The following CCDC175 variants were observed in gnomAD, a reference collection of about 807,000 sequenced individuals.
CCDC175 encodes coiled-coil domain containing 175.
A neutral mutation model predicts 114.6 loss-of-function variants in CCDC175; 100 were observed. The ratio of observed to expected loss-of-function variants is 0.87; its 90% confidence interval spans 0.74 to 1.03. The LOEUF is 1.03. CCDC175 is among the 50% of genes least tolerant of loss of function. The pLI is 0.00. For synonymous variants in CCDC175, 306 were observed against 308.7 expected, an observed-to-expected ratio of 0.99 and a Z score of 0.09; for missense variants, 880 against 917.8, an observed-to-expected ratio of 0.96 and a Z score of 0.53.
At chr14:59,541,341 A>T (rs1486017550) in intron 10 of CCDC175, among the ~76,000 whole-genome samples, 1 of 152,202 alleles carries the variant, frequency 6.6e-6, no homozygotes, top group African/African-American at 2.4e-5. Flanking sequence ...TTGTGGTAGG[A>T]TGGATGGAAA....
chr14:59,507,203 C>T (rs1026473316), intron 19 of CCDC175, among the ~76,000 whole-genome samples: 1 of 152,188 alleles, frequency 6.6e-6, no homozygotes, highest in East Asian at 1.9e-4. Context: ...TCCACTCAGC[C>T]TTGCTACTTG....
intron 4 of CCDC175, among the ~76,000 whole-genome samples, chr14:59,566,261 G>A (rs1896536388): frequency 6.6e-6 from 1 of 152,178 alleles, no homozygotes; most frequent in South Asian, 2.1e-4. Context: ...TTAAGATTTT[G>A]TCTACCCAGA....
intron 15 of CCDC175, among the ~76,000 whole-genome samples, chr14:59,526,590 C>A (rs1162914062): frequency 6.6e-6 from 1 of 151,862 alleles, no homozygotes; most frequent in African/African-American, 2.4e-5. Context: ...GATATCAATG[C>A]ATCTCAGAGA....
In CCDC175 at chr14:59,526,785, C is replaced by T. The variant is rs113032592; in HGVS notation, c.1842+310G>A. On this transcript the variant is annotated intron_variant, in intron 15 of 19. Transcript: ENST00000537690. ...GTTTCTAACTTATAAATAAGAAAAC[C>T]GAGGTCCACTCAATGACTGTTCCAC... Among the ~76,000 whole-genome samples the T allele has an allele frequency of 2.2e-3, 342 of 152,204 alleles. 1 individual carries two copies. Among genetic ancestry groups the T allele is most frequent in the African/African-American group, 7.4e-3 (308 of 41,528 alleles).
chr14:59,532,563 T>C (rs1894129087), intron 13 of CCDC175, among the ~76,000 whole-genome samples: 3 of 152,226 alleles, frequency 2.0e-5, no homozygotes, highest in Admixed American at 2.0e-4. Context: ...ACATGGCTTC[T>C]GGCTAGAGTG....
intron 17 of CCDC175, among the ~76,000 whole-genome samples, chr14:59,513,746 C>A (rs965792027): frequency 2.0e-5 from 3 of 152,180 alleles, no homozygotes. Context: ...GGGGGCAGGG[C>A]ATTGCCAAAC....
chr14:59,539,069 G>T (rs1894596736), intron 11 of CCDC175, among the ~76,000 whole-genome samples: 1 of 152,154 alleles, frequency 6.6e-6, no homozygotes, highest in East Asian at 1.9e-4. Context: ...ACTTCCAATA[G>T]AACAGCGAAC....
At chr14:59,569,760 A>T (rs1429748756) in intron 3 of CCDC175, among the ~76,000 whole-genome samples, 1 of 152,184 alleles carries the variant, frequency 6.6e-6, no homozygotes, top group African/African-American at 2.4e-5. Flanking sequence ...CAATTAGGAG[A>T]TAGAAATCTC....
chr14:59,513,581 T>G (rs1338569040), intron 17 of CCDC175, among the ~76,000 whole-genome samples: 1 of 152,104 alleles, frequency 6.6e-6, no homozygotes, highest in East Asian at 1.9e-4. Context: ...AGCACAGCAG[T>G]CTGAGATCAA....
chr14:59,544,270 G>A (rs937387731), intron 9 of CCDC175, among the ~76,000 whole-genome samples: 7 of 152,072 alleles, frequency 4.6e-5, no homozygotes, highest in South Asian at 4.1e-4. Context: ...GGGTTGAAGC[G>A]ATTCTCCTGC....
intron 17 of CCDC175, among the ~76,000 whole-genome samples, chr14:59,514,880 T>G (rs982740768): frequency 1.1e-4 from 16 of 152,074 alleles, no homozygotes; most frequent in Non-Finnish European, 1.6e-4. Context: ...TCACCAAAGT[T>G]GAAATGAAGG....
intron 8 of CCDC175, among the ~76,000 whole-genome samples, chr14:59,547,456 A>C (rs754177920): frequency 1.3e-5 from 2 of 152,232 alleles, no homozygotes; most frequent in African/African-American, 2.4e-5. Flanking sequence ...ATAAAAACTC[A>C]TTTTAAAGGT....
intron 18 of CCDC175, 28 bp from the exon 19 acceptor site, chr14:59,510,836 C>T (rs1892696381): frequency 6.6e-7 from 1 of 1,521,548 alleles, no homozygotes; most frequent in Non-Finnish European, 8.8e-7. Flanking sequence ...TAGGCTGTGT[C>T]AATATAAATT....
chr14:59,521,165 C>A (rs1208821918), intron 17 of CCDC175, among the ~76,000 whole-genome samples: 1 of 152,186 alleles, frequency 6.6e-6, no homozygotes, highest in Non-Finnish European at 1.5e-5. Flanking sequence ...CACTCTCAAT[C>A]TGGGTGGGAA....
At chr14:59,513,911 C>T (rs1219580547) in intron 17 of CCDC175, among the ~76,000 whole-genome samples, 2 of 152,176 alleles carry the variant, frequency 1.3e-5, no homozygotes, top group Admixed American at 1.3e-4. Context: ...CTGGGAGGCA[C>T]CTCCTAGTAG....
intron 1 of CCDC175, among the ~76,000 whole-genome samples, chr14:59,575,600 T>C (rs11628599): frequency 0.92 from 138,770 of 151,276 alleles, 63,741 homozygotes; most frequent in East Asian, 1. Flanking sequence ...ACCTCTGCCT[T>C]CTGAGTTCAA....
intron 7 of CCDC175, among the ~76,000 whole-genome samples, chr14:59,555,993 A>G (rs1314428025): frequency 6.6e-6 from 1 of 152,260 alleles, no homozygotes; most frequent in Non-Finnish European, 1.5e-5. Flanking sequence ...AGAACATTCC[A>G]TGCTCATGGA....
At chr14:59,541,192 C>A (rs1566615519) in intron 10 of CCDC175, among the ~76,000 whole-genome samples, 2 of 152,104 alleles carry the variant, frequency 1.3e-5, no homozygotes, top group South Asian at 4.1e-4. Flanking sequence ...CCCTATGACA[C>A]AAGAGGAAGT....
chr14:59,554,760 G>A (rs1015579538), intron 7 of CCDC175, among the ~76,000 whole-genome samples: 1 of 152,026 alleles, frequency 6.6e-6, no homozygotes, highest in African/African-American at 2.4e-5. Flanking sequence ...TCAAATAGAC[G>A]CAAGAAAAAA....
Sources: gnomAD v4.1 joint callset for allele counts (sites outside exome capture counted in the v4.1 genomes callset) on GRCh38, gnomAD v4.1.1 for gene constraint, MANE v1.5 for transcripts, NCBI Gene and HGNC (gene_info 2026-07-23, HGNC 2026-07-21) for gene names.